The following HSDL2 variants were observed in gnomAD, a reference collection of about 807,000 sequenced individuals.
HSDL2 encodes hydroxysteroid dehydrogenase like 2.
In HSDL2, 27 loss-of-function variants were observed where a neutral mutation model predicts 46.3. The observed-to-expected ratio is 0.58, with a 90% CI of 0.43 to 0.80. The LOEUF is 0.80. Among genes scored for constraint, HSDL2 ranks in the 30% least tolerant of loss-of-function variants. The probability of loss-of-function intolerance (pLI) is 0.00; values close to 1 mark genes in which losing one functional copy is unlikely to be tolerated. For missense variants in HSDL2, 451 were observed against 502.7 expected, an observed-to-expected ratio of 0.90 and a Z score of 0.98; for synonymous variants, 153 against 163.6, an observed-to-expected ratio of 0.94 and a Z score of 0.50.
rs151136777 is a variant in HSDL2, at chr9:112,441,927, A to G, written c.865+157A>G. On this transcript the variant is annotated intron_variant, in intron 8 of 10. Coordinates refer to ENST00000398805, the MANE Select transcript of HSDL2 (RefSeq NM_032303.5). Reference sequence around the variant, plus strand: ...AAACAAGTAATGTGAGATCTCAGTTAATTCTAGTAAAGAAGGTTGTTTTGT... The same window carrying G: ...AAACAAGTAATGTGAGATCTCAGTTGATTCTAGTAAAGAAGGTTGTTTTGT... Among the ~76,000 whole-genome samples the G allele has an allele frequency of 1.4e-4, 21 of 152,188 alleles. No individual in the cohort carries two copies. The East Asian group carries it at 2.1e-3, about 15-fold the overall frequency.
chr9:112,435,689 A>G (rs917680197), intron 6 of HSDL2, among the ~76,000 whole-genome samples: 12 of 150,948 alleles, frequency 7.9e-5, no homozygotes, highest in African/African-American at 2.9e-4. Flanking sequence ...CACTTAATGA[A>G]TGGTAGGTGC....
rs1211621522 is a variant in HSDL2, at chr9:112,384,606, G to A, written c.17+4426G>A. On this transcript the variant is annotated intron_variant, in intron 1 of 10. Transcript: ENST00000398805. ...GTGAATCACTTGAGCCCAGGAGGTTGACGCTGCCATGAGCTGTTGAGGCTG... is the reference window on the plus strand; with the variant it reads ...GTGAATCACTTGAGCCCAGGAGGTTAACGCTGCCATGAGCTGTTGAGGCTG... Among the ~76,000 whole-genome samples, 4 of 151,882 alleles carry A rather than the reference G, an allele frequency of 2.6e-5. No homozygotes were observed. In the East Asian group the frequency reaches 7.7e-4, roughly 29 times the overall value.
chr9:112,423,746 C>T (rs1832180458), intron 6 of HSDL2, among the ~76,000 whole-genome samples: 1 of 149,580 alleles, frequency 6.7e-6, no homozygotes, highest in Admixed American at 6.6e-5. Flanking sequence ...GACAGAGTCT[C>T]ACTCTGTCGC....
intron 1 of HSDL2, among the ~76,000 whole-genome samples, chr9:112,384,370 C>A (rs1831174591): frequency 1.3e-5 from 2 of 152,138 alleles, no homozygotes; most frequent in Admixed American, 1.3e-4. Flanking sequence ...CTTACTGGCA[C>A]AGATCAGGGT....
Position 112,434,605 on chromosome 9 carries a change from G to A in HSDL2, c.599-3826G>A, listed in dbSNP as rs147545098. On this transcript the variant is annotated intron_variant, in intron 6 of 10. Coordinates refer to ENST00000398805, the MANE Select transcript of HSDL2 (RefSeq NM_032303.5). Reference sequence around the variant, plus strand: ...TTTTCTTTCTTTAGTGGTCCCTAAGGTAATGGTGCGCTGTATAATCAGTGG... The same window carrying A: ...TTTTCTTTCTTTAGTGGTCCCTAAGATAATGGTGCGCTGTATAATCAGTGG... Among the ~76,000 whole-genome samples the A allele has an allele frequency of 3.3e-5, 5 of 152,236 alleles. No individual in the cohort carries two copies. The East Asian group carries it at 9.6e-4, about 29-fold the overall frequency.
chr9:112,418,174 T>C (rs1317938569), intron 5 of HSDL2, among the ~76,000 whole-genome samples: 1 of 144,958 alleles, frequency 6.9e-6, no homozygotes, highest in Non-Finnish European at 1.6e-5. Context: ...TAATCAAATA[T>C]TAGGAGGGAG....
At chr9:112,446,586 G>A (rs975884989) in intron 8 of HSDL2, among the ~76,000 whole-genome samples, 8 of 152,150 alleles carry the variant, frequency 5.3e-5, no homozygotes, top group African/African-American at 1.9e-4. Flanking sequence ...AGCTGTGATT[G>A]TGCCATTGCA....
At chr9:112,454,267 A>G (rs1322226754) in intron 9 of HSDL2, 105 bp downstream of exon 9, 1 of 819,076 alleles carries the variant, frequency 1.2e-6, no homozygotes, top group Non-Finnish European at 1.9e-6. Flanking sequence ...AGTTGGCTGC[A>G]TTCAAGACCC....
rs1287335890 is a variant in HSDL2 at position 112,472,399 on chromosome 9, A to C, written c.*1855A>C. ...TGAATCGCTAATAAAAGCCAATTAGATCTTTACATAATTTGTTGAGATTTT... is the reference window on the plus strand; with the variant it reads ...TGAATCGCTAATAAAAGCCAATTAGCTCTTTACATAATTTGTTGAGATTTT... On this transcript the variant is annotated 3_prime_UTR_variant, in exon 11 of 11. Transcript: ENST00000398805. 6.6e-6 allele frequency: 1 copy of C among 152,212 alleles called. No homozygotes were observed. Among genetic ancestry groups the C allele is most frequent in the African/African-American group, 2.4e-5 (1 of 41,454 alleles). 9.4% of individuals were successfully genotyped at this position (152,212 alleles called of 1,614,324 possible).
At chr9:112,432,802 C>CT (rs1009383558) in intron 6 of HSDL2, among the ~76,000 whole-genome samples, 1 of 152,152 alleles carries the variant, frequency 6.6e-6, no homozygotes, top group Non-Finnish European at 1.5e-5. Context: ...GACAGAATCT[C>CT]TGTCACCCAG....
chr9:112,384,225 G>T (rs181646026), intron 1 of HSDL2, among the ~76,000 whole-genome samples: 11 of 152,286 alleles, frequency 7.2e-5, no homozygotes, highest in Admixed American at 6.5e-4. Flanking sequence ...GAGAATTTTA[G>T]TAAATTAAAC....
At chr9:112,413,960 T>C in intron 4 of HSDL2, 1 of 221,186 alleles carries the variant, frequency 4.5e-6, no homozygotes, top group Non-Finnish European at 9.1e-6. Context: ...GCTAGCAACT[T>C]AGAACTTTTT....
chr9:112,422,621 C>T (rs1832150496), intron 6 of HSDL2, among the ~76,000 whole-genome samples: 1 of 152,096 alleles, frequency 6.6e-6, no homozygotes. Flanking sequence ...ATCCGGGGAA[C>T]TTCACATGCA....
At position 112,454,586 on chromosome 9, in the gene HSDL2, A is replaced by G. The variant is rs374456476; in HGVS notation, c.1015+424A>G. 3.3e-5 allele frequency among the ~76,000 whole-genome samples: 5 copies of G among 152,372 alleles called. No homozygotes were observed. In the East Asian group the frequency reaches 9.6e-4, roughly 29 times the overall value. On this transcript the variant is annotated intron_variant, in intron 9 of 10. Coordinates refer to ENST00000398805, the MANE Select transcript of HSDL2 (RefSeq NM_032303.5). Reference sequence around the variant, plus strand: ...TCCTGCTTAGAAGGGCATATGGATCATGACAGGTAGTATGATACAGTAATT... The same window carrying G: ...TCCTGCTTAGAAGGGCATATGGATCGTGACAGGTAGTATGATACAGTAATT...
intron 1 of HSDL2, among the ~76,000 whole-genome samples, chr9:112,400,823 T>C (rs1831573290): frequency 6.6e-6 from 1 of 152,200 alleles, no homozygotes; most frequent in African/African-American, 2.4e-5. Context: ...CTCTCTGCCT[T>C]TGTCATCACA....
At chr9:112,417,797 TC>T (rs1832027064) in intron 5 of HSDL2, among the ~76,000 whole-genome samples, 1 of 145,264 alleles carries the variant, frequency 6.9e-6, no homozygotes. Context: ...AAAAAAAAAG[TC>T]CAGGCATGGT....
chr9:112,417,399 C>A (rs1447521784), intron 5 of HSDL2, among the ~76,000 whole-genome samples: 1 of 151,156 alleles, frequency 6.6e-6, no homozygotes, highest in Non-Finnish European at 1.5e-5. Flanking sequence ...ATCGCTTGAG[C>A]CCAGGAGTTT....
intron 10 of HSDL2, chr9:112,469,705 A>G: frequency 6.6e-6 from 1 of 152,334 alleles, no homozygotes; most frequent in East Asian, 1.9e-4. Flanking sequence ...AAAAGTCATA[A>G]ATGAAAGGCA....
intron 7 of HSDL2, among the ~76,000 whole-genome samples, chr9:112,440,651 T>A (rs1216551937): frequency 6.6e-6 from 1 of 152,154 alleles, no homozygotes; most frequent in Non-Finnish European, 1.5e-5. Context: ...GGCCAGTGGA[T>A]CGCTTGAGCC....
Sources: gnomAD v4.1 joint callset for allele counts (sites outside exome capture counted in the v4.1 genomes callset) on GRCh38, gnomAD v4.1.1 for gene constraint, MANE v1.5 for transcripts, NCBI Gene and HGNC (gene_info 2026-07-23, HGNC 2026-07-21) for gene names.